Variants in PGCKA1 observed in about 807,000 individuals in gnomAD.
The protein encoded by PGCKA1 is PDCD10 and GCKIII kinases associated 1.
chr4:37,552,678 A>G, the PGCKA1 span, among the ~76,000 whole-genome samples: 4 of 152,288 alleles, frequency 2.6e-5, no homozygotes, highest in African/African-American at 7.2e-5. Flanking sequence ...ACCACACGCC[A>G]GGCTTTTTTT....
the PGCKA1 span, among the ~76,000 whole-genome samples, chr4:37,499,803 G>A: frequency 6.7e-6 from 1 of 150,142 alleles, no homozygotes; most frequent in African/African-American, 2.5e-5. Flanking sequence ...ATCTTCTTCA[G>A]TTCAGCTTTG....
At chr4:37,533,622 C>T in the PGCKA1 span, among the ~76,000 whole-genome samples, 1 of 152,044 alleles carries the variant, frequency 6.6e-6, no homozygotes, top group African/African-American at 2.4e-5. Flanking sequence ...ATTTCTAACA[C>T]TTGTTAATAG....
At chr4:37,516,936 T>A in the PGCKA1 span, among the ~76,000 whole-genome samples, 27 of 152,120 alleles carry the variant, frequency 1.8e-4, no homozygotes, top group Non-Finnish European at 3.8e-4. Context: ...ATGCAAGGTT[T>A]CTAAAAATTA....
chr4:37,542,622 G>A, the PGCKA1 span, among the ~76,000 whole-genome samples: 3 of 152,138 alleles, frequency 2.0e-5, no homozygotes, highest in African/African-American at 7.2e-5. Flanking sequence ...AGCCACATGT[G>A]GCTTTTGAGC....
the PGCKA1 span, among the ~76,000 whole-genome samples, chr4:37,495,191 C>T: frequency 5.3e-5 from 8 of 152,074 alleles, no homozygotes; most frequent in Admixed American, 2.0e-4. Context: ...TACCATCTCA[C>T]GCCAGTTAGA....
the PGCKA1 span, among the ~76,000 whole-genome samples, chr4:37,527,464 A>G: frequency 2.4e-4 from 36 of 152,226 alleles, no homozygotes; most frequent in African/African-American, 8.4e-4. Flanking sequence ...TAGGTGAACC[A>G]TCTCTTAACT....
the PGCKA1 span, among the ~76,000 whole-genome samples, chr4:37,510,444 G>C: frequency 6.6e-6 from 1 of 152,100 alleles, no homozygotes; most frequent in Non-Finnish European, 1.5e-5. Context: ...GGATCACTGT[G>C]GTTCTTCCTA....
chr4:37,550,430 G>T, the PGCKA1 span, among the ~76,000 whole-genome samples: 1 of 152,256 alleles, frequency 6.6e-6, no homozygotes, highest in Non-Finnish European at 1.5e-5. Context: ...TACTGGTCTT[G>T]TGTCATTTGG....
chr4:37,504,366 C>T, the PGCKA1 span, among the ~76,000 whole-genome samples: 2 of 152,076 alleles, frequency 1.3e-5, no homozygotes, highest in African/African-American at 4.8e-5. Flanking sequence ...AATGTGATTC[C>T]TCCAGTTTTG....
At chr4:37,590,396 G>A in the PGCKA1 span, 7 of 1,613,646 alleles carry the variant, frequency 4.3e-6, no homozygotes, top group Non-Finnish European at 5.9e-6. Context: ...GGGAATTCCA[G>A]CCCCACCCAG....
chr4:37,591,274 T>G, the PGCKA1 span: 1 of 330,022 alleles, frequency 3.0e-6, no homozygotes, highest in East Asian at 5.5e-5. Flanking sequence ...ATGCAGAAGT[T>G]GAACAGCTTG....
At chr4:37,494,911 G>C in the PGCKA1 span, among the ~76,000 whole-genome samples, 2 of 151,768 alleles carry the variant, frequency 1.3e-5, no homozygotes, top group Non-Finnish European at 2.9e-5. Flanking sequence ...TTTGTTGGGT[G>C]AACATATGTC....
chr4:37,571,318 A>T, the PGCKA1 span, among the ~76,000 whole-genome samples: 1 of 144,632 alleles, frequency 6.9e-6, no homozygotes, highest in Non-Finnish European at 1.5e-5. Flanking sequence ...GCCTTCCAAG[A>T]TCTCTCTCCA....
At chr4:37,538,550 A>G in the PGCKA1 span, among the ~76,000 whole-genome samples, 2 of 152,308 alleles carry the variant, frequency 1.3e-5, no homozygotes, top group African/African-American at 4.8e-5. Flanking sequence ...GGAGTTAAGA[A>G]TTTGGCTCTG....
chr4:37,518,981 G>A, the PGCKA1 span, among the ~76,000 whole-genome samples: 8 of 152,192 alleles, frequency 5.3e-5, no homozygotes, highest in African/African-American at 1.2e-4. Context: ...TCACTCTTCT[G>A]TATATGGATA....
At chr4:37,500,311 C>T in the PGCKA1 span, among the ~76,000 whole-genome samples, 1,673 of 152,288 alleles carry the variant, frequency 0.011, 43 homozygotes, top group African/African-American at 0.038. Flanking sequence ...GATTCTGGTA[C>T]GTTGTATCTT....
At chr4:37,516,597 T>G in the PGCKA1 span, among the ~76,000 whole-genome samples, 1 of 152,216 alleles carries the variant, frequency 6.6e-6, no homozygotes, top group African/African-American at 2.4e-5. Flanking sequence ...CACCCTGTTT[T>G]GGAGCCCACT....
chr4:37,484,639 A>C, the PGCKA1 span, among the ~76,000 whole-genome samples: 2 of 152,208 alleles, frequency 1.3e-5, no homozygotes, highest in Admixed American at 1.3e-4. Flanking sequence ...AGCCTGCGGA[A>C]CTGTGAGCTA....
At chr4:37,525,258 A>C in the PGCKA1 span, among the ~76,000 whole-genome samples, 1 of 152,200 alleles carries the variant, frequency 6.6e-6, no homozygotes, top group African/African-American at 2.4e-5. Flanking sequence ...TTAGTGTGGA[A>C]AAATTGAACC....
Sources: allele counts gnomAD v4.1 joint callset (sites outside exome capture counted in the v4.1 genomes callset), GRCh38; gene constraint gnomAD v4.1.1; transcripts MANE v1.5; gene names NCBI Gene and HGNC (gene_info 2026-07-23, HGNC 2026-07-21).